Variants in IQGAP2 observed in about 807,000 individuals in gnomAD.
The protein encoded by IQGAP2 is ras GTPase-activating-like protein IQGAP2.
In IQGAP2, 173 loss-of-function variants were observed where a neutral mutation model predicts 201.3. The ratio of observed to expected loss-of-function variants is 0.86; its 90% CI spans 0.76 to 0.98. The LOEUF (loss-of-function observed/expected upper bound fraction) is 0.98, where lower values mean the gene tolerates loss of function less well. IQGAP2 is among the 50% of genes least tolerant of loss of function. The probability of loss-of-function intolerance (pLI) is 0.00; values close to 1 mark genes in which losing one functional copy is unlikely to be tolerated. For missense variants in IQGAP2, 1,687 were observed against 1,864.8 expected (o/e 0.90, Z 1.76); for synonymous variants, 675 against 673.9 (o/e 1.00, Z -0.03).
intron 15 of IQGAP2, 84 bp downstream of exon 15, chr5:76,632,110 G>A (rs1304865418): frequency 3.3e-6 from 4 of 1,195,156 alleles, no homozygotes; most frequent in African/African-American, 1.6e-5. Flanking sequence ...TTTAAGACAA[G>A]TAATGCTTTC....
chr5:76,417,352 G>A (rs538782440), intron 1 of IQGAP2, among the ~76,000 whole-genome samples: 1 of 152,164 alleles, frequency 6.6e-6, no homozygotes, highest in Non-Finnish European at 1.5e-5. Context: ...TACAGTGGCG[G>A]GATCTCTGCT....
chr5:76,701,291 C>G lies in IQGAP2; in HGVS notation c.4505+78C>G, dbSNP rs1363763407. 6.5e-6 allele frequency: 9 copies of G among 1,383,792 alleles called. No homozygotes were observed. The East Asian group carries it at 6.9e-5, about 11-fold the overall frequency. The allele number at this position is 1,383,792 out of a possible 1,614,324, so 85.7% of individuals were successfully genotyped here. On this transcript the variant is annotated intron_variant, in intron 34 of 35. Transcript: ENST00000274364. Reference sequence around the variant, plus strand: ...GGCCTTGGAGAGAGCTCCATTTGGTCTAGCAAGGCTTAACCTCAATTACTG... The same window carrying G: ...GGCCTTGGAGAGAGCTCCATTTGGTGTAGCAAGGCTTAACCTCAATTACTG...
chr5:76,471,174 G>C (rs1004930996), intron 2 of IQGAP2, among the ~76,000 whole-genome samples: 7 of 152,144 alleles, frequency 4.6e-5, no homozygotes, highest in Non-Finnish European at 1.0e-4. Context: ...ACAGGAGAGG[G>C]AATCTTGGCA....
chr5:76,526,037 C>G (rs1365875267), intron 2 of IQGAP2, among the ~76,000 whole-genome samples: 1 of 152,200 alleles, frequency 6.6e-6, no homozygotes, highest in Non-Finnish European at 1.5e-5. Flanking sequence ...CTGTCCCAGT[C>G]CCCAAAACAA....
At chr5:76,688,703 C>T (rs968326453) in intron 30 of IQGAP2, among the ~76,000 whole-genome samples, 7 of 151,684 alleles carry the variant, frequency 4.6e-5, no homozygotes, top group Admixed American at 2.0e-4. Context: ...TGGGCCCAAG[C>T]ATTTTGAAAA....
At chr5:76,542,706 A>G (rs1311901432) in intron 2 of IQGAP2, among the ~76,000 whole-genome samples, 1 of 152,248 alleles carries the variant, frequency 6.6e-6, no homozygotes, top group Non-Finnish European at 1.5e-5. Context: ...TCTACTGGTT[A>G]AAAGTTGCAT....
intron 1 of IQGAP2, among the ~76,000 whole-genome samples, chr5:76,408,783 C>T (rs969673948): frequency 5.3e-5 from 8 of 151,518 alleles, no homozygotes; most frequent in African/African-American, 2.0e-4. Flanking sequence ...CCCAATCTCT[C>T]TTATTTATTT....
intron 9 of IQGAP2, 59 bp downstream of exon 9, chr5:76,592,984 C>A: frequency 1.8e-6 from 2 of 1,142,454 alleles, no homozygotes; most frequent in Admixed American, 1.8e-5. Context: ...ACTTTCCTTG[C>A]CAGAATCCCA....
chr5:76,482,197 T>C (rs888696922), intron 2 of IQGAP2, among the ~76,000 whole-genome samples: 2 of 152,220 alleles, frequency 1.3e-5, no homozygotes. Flanking sequence ...GAGTGGATGA[T>C]AGCGTGGCAT....
rs186937215 is a variant in IQGAP2, at chr5:76,690,754, T to A, written c.3906-2601T>A. The stretch of plus-strand genomic sequence containing the variant: ...ATAAATGTAAAAAATTGATGAAATA[T>A]TTTACATTCTTTGTTTCATACAACA... On this transcript the variant is annotated intron_variant, in intron 30 of 35. Coordinates refer to ENST00000274364, the MANE Select transcript of IQGAP2 (RefSeq NM_006633.5). 2.4e-4 allele frequency among the ~76,000 whole-genome samples: 37 copies of A among 152,334 alleles called. No individual in the cohort carries two copies. In the East Asian group the frequency reaches 6.0e-3, roughly 25 times the overall value.
chr5:76,510,900 G>C (rs965929181), intron 2 of IQGAP2: 1 of 339,248 alleles, frequency 2.9e-6, no homozygotes, highest in African/African-American at 2.2e-5. Context: ...CTCACTCTGG[G>C]CACCCCTCTC....
At chr5:76,518,990 G>A (rs1269887481) in intron 2 of IQGAP2, among the ~76,000 whole-genome samples, 1 of 152,132 alleles carries the variant, frequency 6.6e-6, no homozygotes, top group African/African-American at 2.4e-5. Flanking sequence ...CCATACCAGA[G>A]AAGATGAGAC....
intron 9 of IQGAP2, among the ~76,000 whole-genome samples, chr5:76,595,595 CA>C (rs539612532): frequency 2.0e-5 from 3 of 151,214 alleles, no homozygotes; most frequent in Non-Finnish European, 2.9e-5. Flanking sequence ...TCAGTCTTTA[CA>C]AAAAAAATTT....
chr5:76,594,988 G>A (rs779189371), intron 9 of IQGAP2, among the ~76,000 whole-genome samples: 1 of 142,300 alleles, frequency 7.0e-6, no homozygotes, highest in Non-Finnish European at 1.6e-5. Context: ...AAAAAAAAAA[G>A]TAAGAATCAT....
At chr5:76,581,788 A>G (rs1252384524) in intron 5 of IQGAP2, among the ~76,000 whole-genome samples, 1 of 152,190 alleles carries the variant, frequency 6.6e-6, no homozygotes. Flanking sequence ...TTTTGATATG[A>G]TATTGGCAGT....
chr5:76,455,408 G>A (rs140730545), intron 1 of IQGAP2, among the ~76,000 whole-genome samples: 1 of 140,618 alleles, frequency 7.1e-6, no homozygotes, highest in East Asian at 2.2e-4. Context: ...AGCCAAGATC[G>A]TACTACTGCA....
intron 17 of IQGAP2, among the ~76,000 whole-genome samples, chr5:76,647,084 A>G (rs945218864): frequency 3.3e-5 from 5 of 152,202 alleles, no homozygotes; most frequent in Admixed American, 3.3e-4. Context: ...ATAATATAGT[A>G]AGCTTTAAGG....
chr5:76,599,845 T>C (rs1343172855), intron 10 of IQGAP2, among the ~76,000 whole-genome samples: 1 of 152,160 alleles, frequency 6.6e-6, no homozygotes, highest in Non-Finnish European at 1.5e-5. Context: ...GTCCCTTCAA[T>C]ATGATGAAAA....
chr5:76,687,828 T>C (rs1745925933), intron 30 of IQGAP2, among the ~76,000 whole-genome samples: 1 of 152,204 alleles, frequency 6.6e-6, no homozygotes, highest in African/African-American at 2.4e-5. Flanking sequence ...ACTCATTCTG[T>C]ATTATGGTGA....
Sources: allele counts gnomAD v4.1 joint callset (sites outside exome capture counted in the v4.1 genomes callset), GRCh38; gene constraint gnomAD v4.1.1; transcripts MANE v1.5; gene names NCBI Gene and HGNC (gene_info 2026-07-23, HGNC 2026-07-21).